The following PEAK1 variants were observed in gnomAD, a reference collection of about 807,000 sequenced individuals.
PEAK1 encodes inactive tyrosine-protein kinase PEAK1.
PEAK1 carries 54 observed loss-of-function variants against 124.7 expected under a neutral mutation model. That is an observed-to-expected ratio of 0.43 (90% confidence interval 0.35 to 0.54). The LOEUF is 0.54. Among genes scored for constraint, PEAK1 ranks in the 20% least tolerant of loss-of-function variants. The pLI, the probability that PEAK1 is intolerant of heterozygous loss-of-function variation, is 0.01. For missense variants in PEAK1, 2,046 were observed against 2,134.5 expected, an observed-to-expected ratio of 0.96 and a Z score of 0.82; for synonymous variants, 719 against 760.0, an observed-to-expected ratio of 0.95 and a Z score of 0.89.
chr15:77,265,101 A>G (rs2061649329), intron 5 of PEAK1, among the ~76,000 whole-genome samples: 1 of 152,188 alleles, frequency 6.6e-6, no homozygotes, highest in African/African-American at 2.4e-5. Context: ...CACAAAAATC[A>G]ATTCAAGATG....
chr15:77,274,346 G>T (rs1276160692), intron 5 of PEAK1, among the ~76,000 whole-genome samples: 1 of 152,044 alleles, frequency 6.6e-6, no homozygotes, highest in Non-Finnish European at 1.5e-5. Flanking sequence ...ACAACCCACA[G>T]AGTGGGAGAA....
At chr15:77,352,393 G>T (rs796971925) in intron 2 of PEAK1, 1 of 985,080 alleles carries the variant, frequency 1.0e-6, no homozygotes, top group East Asian at 1.1e-4. Context: ...ATGGCCCTGA[G>T]TCCACTTCCA....
At chr15:77,309,535 C>A (rs2064306819) in intron 2 of PEAK1, among the ~76,000 whole-genome samples, 1 of 151,932 alleles carries the variant, frequency 6.6e-6, no homozygotes, top group Admixed American at 6.6e-5. Context: ...CAGCTGATCA[C>A]AGATTGAAAA....
chr15:77,377,750 G>A (rs918336549), intron 1 of PEAK1, among the ~76,000 whole-genome samples: 25 of 152,128 alleles, frequency 1.6e-4, no homozygotes, highest in African/African-American at 5.1e-4. Flanking sequence ...GATTACAGGC[G>A]TGAGCCACCA....
chr15:77,374,721 G>A (rs1338293110), intron 1 of PEAK1, among the ~76,000 whole-genome samples: 3 of 152,038 alleles, frequency 2.0e-5, no homozygotes, highest in Admixed American at 2.0e-4. Flanking sequence ...GTTTCAGAGA[G>A]CCATATGATT....
At chr15:77,341,504 GA>G (rs918697533) in intron 2 of PEAK1, among the ~76,000 whole-genome samples, 141 of 137,310 alleles carry the variant, frequency 1.0e-3, no homozygotes, top group African/African-American at 1.5e-3. Context: ...CATCTCAAAA[GA>G]AAAAAAAAAA....
chr15:77,173,319 T>A lies in PEAK1; in HGVS notation c.3137+5471A>T, dbSNP rs574549547. 2.4e-4 allele frequency among the ~76,000 whole-genome samples: 36 copies of A among 152,262 alleles called. No homozygotes were observed. In the East Asian group the frequency reaches 4.6e-3, roughly 20 times the overall value. ...AATGGACTATTTTTAAAATTTAATT[T>A]AAAAAATTTTAAATTAACAAATAAT... is the stretch of plus-strand genomic sequence containing the variant. On this transcript the variant is annotated intron_variant, in intron 7 of 9. Coordinates refer to ENST00000682557, the MANE Select transcript of PEAK1 (RefSeq NM_001385026.1).
At chr15:77,352,549 T>C (rs562853367) in intron 2 of PEAK1, 3 of 961,134 alleles carry the variant, frequency 3.1e-6, no homozygotes, top group South Asian at 4.8e-5. Flanking sequence ...AAAATATATA[T>C]ACTTTAGAAA....
intron 6 of PEAK1, among the ~76,000 whole-genome samples, chr15:77,187,852 G>T (rs1027739468): frequency 6.6e-6 from 1 of 152,042 alleles, no homozygotes; most frequent in African/African-American, 2.4e-5. Context: ...ACAAGTCAAG[G>T]TTCTCACTAG....
intron 2 of PEAK1, among the ~76,000 whole-genome samples, chr15:77,308,076 T>G (rs2064206715): frequency 6.6e-6 from 1 of 152,182 alleles, no homozygotes; most frequent in South Asian, 2.1e-4. Flanking sequence ...GGTTAAAAAT[T>G]TAAGAATTAA....
chr15:77,110,635 T>C lies in PEAK1; in HGVS notation c.*3521A>G, dbSNP rs1461739930. ...AGCTCCTCAACAGCAGCAGGGTAGG[T>C]AGGATGAGTGCTTGTGCCCTCACCT... On this transcript the variant is annotated 3_prime_UTR_variant, in exon 10 of 10. Transcript: ENST00000682557. 1 of 152,194 alleles carries C rather than the reference T, an allele frequency of 6.6e-6. No individual in the cohort carries two copies. Among genetic ancestry groups the C allele is most frequent in the Non-Finnish European group, 1.5e-5 (1 of 68,034 alleles). 9.4% of individuals were successfully genotyped at this position (152,194 alleles called of 1,614,324 possible).
At chr15:77,214,359 G>T (rs2059044026) in intron 6 of PEAK1, among the ~76,000 whole-genome samples, 1 of 151,790 alleles carries the variant, frequency 6.6e-6, no homozygotes, top group African/African-American at 2.4e-5. Context: ...GCTCACGTCT[G>T]TAATCCCAGT....
rs144023007 is a variant in PEAK1, at chr15:77,376,207, A to G, written c.-665-10982T>C. 2.1e-4 allele frequency among the ~76,000 whole-genome samples: 32 copies of G among 152,268 alleles called. No homozygotes were observed. In the East Asian group the frequency reaches 6.2e-3, roughly 29 times the overall value. On this transcript the variant is annotated intron_variant, in intron 1 of 9. Transcript: ENST00000682557. ...TAAATGAGCATGAATAAAAAAAATT[A>G]CCATATACCTAACAAAGGCACACAA...
At chr15:77,321,648 C>A (rs1192103794) in intron 2 of PEAK1, among the ~76,000 whole-genome samples, 1 of 152,176 alleles carries the variant, frequency 6.6e-6, no homozygotes, top group Non-Finnish European at 1.5e-5. Context: ...TGTGCAGAAG[C>A]TCTTTAGTTT....
At chr15:77,313,133 T>C (rs1449942443) in intron 2 of PEAK1, among the ~76,000 whole-genome samples, 1 of 152,166 alleles carries the variant, frequency 6.6e-6, no homozygotes, top group Non-Finnish European at 1.5e-5. Flanking sequence ...AAGATAAACC[T>C]GGGGCATTTT....
At chr15:77,392,995 A>G (rs1025099886) in intron 1 of PEAK1, among the ~76,000 whole-genome samples, 1 of 152,146 alleles carries the variant, frequency 6.6e-6, no homozygotes, top group Non-Finnish European at 1.5e-5. Context: ...GGGACTTTCC[A>G]TTGGACCTCA....
intron 2 of PEAK1, among the ~76,000 whole-genome samples, chr15:77,341,218 C>A (rs2066508977): frequency 6.6e-6 from 1 of 152,100 alleles, no homozygotes; most frequent in Admixed American, 6.6e-5. Flanking sequence ...AAAAGCTCTG[C>A]TTGGCTGGGT....
intron 1 of PEAK1, among the ~76,000 whole-genome samples, chr15:77,406,380 C>G (rs2071821916): frequency 6.6e-6 from 1 of 152,030 alleles, no homozygotes; most frequent in Non-Finnish European, 1.5e-5. Flanking sequence ...CCTGGAAAAC[C>G]CTAAAGACTC....
At position 77,133,397 on chromosome 15, in the gene PEAK1, G is replaced by T. The variant is rs772566957; in HGVS notation, c.3685C>A (p.Pro1229Thr). 1.2e-6 allele frequency: 2 copies of T among 1,614,168 alleles called. No individual in the cohort carries two copies. Among genetic ancestry groups the T allele is most frequent in the Admixed American group, 1.7e-5 (1 of 60,018 alleles). Residue 1229 changes from proline to threonine, a missense_variant, in exon 9 of 10, where the codon CCC (proline) becomes ACC (threonine). By Grantham distance (38) the Pro-to-Thr change is conservative (BLOSUM62 -1). Coordinates refer to ENST00000682557, the MANE Select transcript of PEAK1 (RefSeq NM_001385026.1). This position sits in a 1 kb window ranked among gnomAD's most constrained non-coding sequence, Gnocchi z 4.2. ...CTGGAAATGCTGTTTGCTGCTGAGG[G>T]GACAGGTCTCTCCTTGCGCAAAGGC... Reference protein sequence around the residue: ...ERPLRKERPVPSAANSISSLT... With the variant: ...ERPLRKERPVTSAANSISSLT...
Sources: gnomAD v4.1 joint callset for allele counts (sites outside exome capture counted in the v4.1 genomes callset) on GRCh38, gnomAD v4.1.1 for gene constraint, Gnocchi (gnomAD v3.1) non-coding constraint, MANE v1.5 for transcripts, NCBI Gene and HGNC (gene_info 2026-07-23, HGNC 2026-07-21) for gene names.